The following DAPK2 variants were observed in gnomAD, a reference collection of about 807,000 sequenced individuals.
DAPK2 encodes the protein death-associated protein kinase 2.
A neutral mutation model predicts 44.1 loss-of-function variants in DAPK2; 35 were observed. That is an observed-to-expected ratio of 0.79 (90% CI 0.61 to 1.05). The LOEUF is 1.05. Ranked by LOEUF, DAPK2 falls within the 50% of genes least tolerant of loss-of-function variation. The pLI is 0.00. For synonymous variants in DAPK2, 174 were observed against 182.6 expected (o/e 0.95, Z 0.38); for missense variants, 453 against 483.2 (o/e 0.94, Z 0.59).
In DAPK2 at chr15:63,990,641, G is replaced by A. The variant is rs550384185; in HGVS notation, c.93-6887C>T. On this transcript the variant is annotated intron_variant, in intron 1 of 10. Coordinates refer to ENST00000261891, the Ensembl canonical transcript of DAPK2. The surrounding 1 kb of genome is among the most constrained non-coding windows in gnomAD (Gnocchi z 4.3). The stretch of plus-strand genomic sequence containing the variant: ...ACCAAATGGGAAGTGTTCCAAAGCA[G>A]AGGGTCGCGGAGACTGGCTTCCTCC... 8.5e-5 allele frequency among the ~76,000 whole-genome samples: 13 copies of A among 152,338 alleles called. No individual in the cohort carries two copies. Among genetic ancestry groups the A allele is most frequent in the Admixed American group, 8.5e-4 (13 of 15,306 alleles).
chr15:63,912,461 G>A lies in DAPK2; in HGVS notation c.859-264C>T, dbSNP rs532839869. On this transcript the variant is annotated intron_variant, in intron 8 of 10. Transcript: ENST00000261891. The surrounding 1 kb of genome is among the most constrained non-coding windows in gnomAD (Gnocchi z 4.4). ...GGCTGGAGGCTCAGCAGCTCCTGAA[G>A]GGGAATAGCAGGAGGCAGGCCCTCC... Among the ~76,000 whole-genome samples the A allele has an allele frequency of 6.6e-6, 1 of 152,378 alleles. No individual in the cohort carries two copies. Among genetic ancestry groups the A allele is most frequent in the East Asian group, 1.9e-4 (1 of 5,194 alleles).
chr15:63,958,712 T>C (rs1391183857), intron 3 of DAPK2, among the ~76,000 whole-genome samples: 1 of 152,248 alleles, frequency 6.6e-6, no homozygotes, highest in Non-Finnish European at 1.5e-5. Context: ...CATTGGTCTA[T>C]ATGTCTGTTT....
At chr15:64,026,024 C>A (rs1385965575) in intron 1 of DAPK2, among the ~76,000 whole-genome samples, 1 of 152,198 alleles carries the variant, frequency 6.6e-6, no homozygotes, top group Non-Finnish European at 1.5e-5. Context: ...CCACACTCAA[C>A]AATGTAGGAG....
Position 64,030,696 on chromosome 15 carries a change from C to T in DAPK2, c.92+9474G>A, listed in dbSNP as rs113252474. 2.6e-3 allele frequency among the ~76,000 whole-genome samples: 390 copies of T among 152,174 alleles called. 1 individual carries two copies. Among genetic ancestry groups the T allele is most frequent in the African/African-American group, 8.9e-3 (370 of 41,498 alleles). On this transcript the variant is annotated intron_variant, in intron 1 of 10. Transcript: ENST00000261891. ...CTAGAATAGATGACCTCTGAAGAATCTCCTGGATTGATTTTTATTAAATTA... is the reference window on the plus strand; with the variant it reads ...CTAGAATAGATGACCTCTGAAGAATTTCCTGGATTGATTTTTATTAAATTA...
intron 1 of DAPK2, among the ~76,000 whole-genome samples, chr15:63,985,557 C>T (rs2078646785): frequency 6.6e-6 from 1 of 152,162 alleles, no homozygotes; most frequent in Non-Finnish European, 1.5e-5. Context: ...GTCCCTGTGA[C>T]CTTGTCACAG....
upstream of DAPK2, chr15:64,040,287 G>A (rs2080318714): frequency 4.4e-6 from 7 of 1,603,606 alleles, no homozygotes; most frequent in African/African-American, 2.7e-5. Flanking sequence ...GAAGAAACCT[G>A]TGGTTAGGAC....
intron 4 of DAPK2, among the ~76,000 whole-genome samples, chr15:63,937,609 A>C (rs912574858): frequency 6.6e-6 from 1 of 151,850 alleles, no homozygotes; most frequent in Admixed American, 6.6e-5. Flanking sequence ...CTCCCACTCC[A>C]ACACCAGCCC....
At chr15:63,942,716 A>G (rs1038615562) in intron 3 of DAPK2, among the ~76,000 whole-genome samples, 15 of 151,952 alleles carry the variant, frequency 9.9e-5, no homozygotes, top group Admixed American at 9.2e-4. Flanking sequence ...CTCTCCCTGC[A>G]CTACCCCAAC....
chr15:63,923,230 G>A lies in DAPK2; in HGVS notation c.858+1586C>T, dbSNP rs957993317. ...CAAAACGCTCGAAGTTGACATAGGA[G>A]TTGTTGGGAGGCATGCTTGAGTGGC... On this transcript the variant is annotated intron_variant, in intron 8 of 10. Coordinates refer to ENST00000261891, the Ensembl canonical transcript of DAPK2. This position sits in a 1 kb window ranked among gnomAD's most constrained non-coding sequence, Gnocchi z 4.2. The A allele has an allele frequency of 3.9e-6, 6 of 1,535,834 alleles. No homozygotes were observed. In the African/African-American group the frequency reaches 6.8e-5, roughly 18 times the overall value.
intron 3 of DAPK2, among the ~76,000 whole-genome samples, chr15:63,949,280 G>C (rs2077527731): frequency 6.6e-6 from 1 of 152,192 alleles, no homozygotes; most frequent in African/African-American, 2.4e-5. Flanking sequence ...GGGTAAAGCA[G>C]GAAAGAAAAC....
exon 2 of DAPK2, chr15:63,983,653 C>T: frequency 6.2e-7 from 1 of 1,614,194 alleles, no homozygotes; most frequent in Non-Finnish European, 8.5e-7. Context: ...CCGGCTCACA[C>T]CGCGCCGGCT....
chr15:63,956,347 G>C (rs1209642147), intron 3 of DAPK2, among the ~76,000 whole-genome samples: 1 of 151,394 alleles, frequency 6.6e-6, no homozygotes, highest in Non-Finnish European at 1.5e-5. Context: ...GATTTGGTTT[G>C]CAAAAGCCCT....
rs7175553 is a variant in DAPK2 at position 63,988,539 on chromosome 15, C to G, written c.93-4785G>C. Among the ~76,000 whole-genome samples the G allele has an allele frequency of 1.2e-3, 182 of 149,184 alleles. 1 individual carries two copies. The highest frequency in any genetic ancestry group is 4.1e-3 in the African/African-American group (164 of 40,358). ...TTTTTTTTTGAGCTGGAGTCTCGCT[C>G]TGTTGCCCAGGATGGAGTACGGTGG... On this transcript the variant is annotated intron_variant, in intron 1 of 10. Transcript: ENST00000261891.
upstream of DAPK2, among the ~76,000 whole-genome samples, chr15:64,042,952 A>G (rs139666553): frequency 9.1e-4 from 139 of 152,228 alleles, 1 homozygote; most frequent in African/African-American, 3.2e-3. The surrounding 1 kb of genome is among the most constrained non-coding windows in gnomAD (Gnocchi z 4.7). Flanking sequence ...TGCTCTTCAT[A>G]CCTTTTTAGG....
chr15:63,923,681 C>G lies in DAPK2; in HGVS notation c.858+1135G>C, dbSNP rs1213144943. On this transcript the variant is annotated intron_variant, in intron 8 of 10. Coordinates refer to ENST00000261891, the Ensembl canonical transcript of DAPK2. The surrounding 1 kb of genome is among the most constrained non-coding windows in gnomAD (Gnocchi z 4.2). ...AGGGCTGGAGCACGCAAGGCCAGGGCTCACGCAGCAGGGCTGAGGAGCATC... is the reference window on the plus strand; with the variant it reads ...AGGGCTGGAGCACGCAAGGCCAGGGGTCACGCAGCAGGGCTGAGGAGCATC... 6.6e-6 allele frequency among the ~76,000 whole-genome samples: 1 copy of G among 152,234 alleles called. No individual in the cohort carries two copies. Among genetic ancestry groups the G allele is most frequent in the African/African-American group, 2.4e-5 (1 of 41,458 alleles).
intron 1 of DAPK2, among the ~76,000 whole-genome samples, chr15:64,028,166 C>A (rs1411342852): frequency 3.3e-5 from 5 of 152,190 alleles, no homozygotes; most frequent in Non-Finnish European, 7.4e-5. Context: ...TCAAGTGATT[C>A]TCTGGCCTCA....
At chr15:63,949,614 A>G (rs940512064) in intron 3 of DAPK2, among the ~76,000 whole-genome samples, 1 of 152,134 alleles carries the variant, frequency 6.6e-6, no homozygotes, top group African/African-American at 2.4e-5. Context: ...GGAATTCCCA[A>G]ACCAACTAAA....
chr15:63,922,228 T>TCGG, intron 8 of DAPK2: 2 of 962,188 alleles, frequency 2.1e-6, no homozygotes, highest in Non-Finnish European at 2.5e-6. Flanking sequence ...ACATGAGTGC[T>TCGG]TGGTAAGTGA....
Position 64,013,003 on chromosome 15 carries a change from G to T in DAPK2, c.92+27167C>A, listed in dbSNP as rs1258910420. On this transcript the variant is annotated intron_variant, in intron 1 of 10. Coordinates refer to ENST00000261891, the Ensembl canonical transcript of DAPK2. The surrounding 1 kb of genome is among the most constrained non-coding windows in gnomAD (Gnocchi z 4.7). ...GGGATATAAATTGTATCTTCGATAT[G>T]ATCATAATGTCAAACAGACAAGAAA... Among the ~76,000 whole-genome samples, 1 of 152,132 alleles carries T rather than the reference G, an allele frequency of 6.6e-6. No individual in the cohort carries two copies. Among genetic ancestry groups the T allele is most frequent in the South Asian group, 2.1e-4 (1 of 4,826 alleles).
Sources: gnomAD v4.1 joint callset for allele counts (sites outside exome capture counted in the v4.1 genomes callset) on GRCh38, gnomAD v4.1.1 for gene constraint, Gnocchi (gnomAD v3.1) non-coding constraint, MANE v1.5 for transcripts, NCBI Gene and HGNC (gene_info 2026-07-23, HGNC 2026-07-21) for gene names.